Variants in SKAP1 observed in about 807,000 individuals in gnomAD.
SKAP1 encodes the protein src kinase-associated phosphoprotein 1.
In SKAP1, 44 loss-of-function variants were observed where a neutral mutation model predicts 58.5. The observed-to-expected ratio is 0.75, with a 90% CI of 0.59 to 0.97. The LOEUF is 0.97. Ranked by LOEUF, SKAP1 falls within the 50% of genes least tolerant of loss-of-function variation. The pLI is 0.00. For synonymous variants in SKAP1, 127 were observed against 149.7 expected (o/e 0.85, Z 1.11); for missense variants, 390 against 435.2 (o/e 0.90, Z 0.92).
rs1360526447 is a variant in SKAP1, at chr17:48,405,389, T to TC, written c.47-8605_47-8604insG. Among the ~76,000 whole-genome samples the TC allele has an allele frequency of 5.6e-4, 83 of 147,722 alleles. 1 individual carries two copies. Among genetic ancestry groups the TC allele is most frequent in the African/African-American group, 2.0e-3 (79 of 40,146 alleles). ...CCAGGGTGCATTTTCTTTTTTTCTC[T>TC]TTCCTTTCTTTCTTTCTTTCTTTCT... is the stretch of plus-strand genomic sequence containing the variant. On this transcript the variant is annotated intron_variant, in intron 1 of 12. Transcript: ENST00000336915.
chr17:48,412,655 T>C (rs1228929505), intron 1 of SKAP1, among the ~76,000 whole-genome samples: 1 of 152,190 alleles, frequency 6.6e-6, no homozygotes, highest in Non-Finnish European at 1.5e-5. Flanking sequence ...GAACATCAAC[T>C]CTTCTTACTA....
intron 4 of SKAP1, among the ~76,000 whole-genome samples, chr17:48,290,365 C>T (rs2065884851): frequency 6.6e-6 from 1 of 152,196 alleles, no homozygotes; most frequent in Non-Finnish European, 1.5e-5. Flanking sequence ...TCTAAGCTTA[C>T]ACTGAACACT....
intron 4 of SKAP1, among the ~76,000 whole-genome samples, chr17:48,198,222 G>C (rs1041604897): frequency 2.6e-5 from 4 of 152,022 alleles, no homozygotes; most frequent in Non-Finnish European, 5.9e-5. Flanking sequence ...TTGGGAGGCC[G>C]AGACGGGCGG....
intron 4 of SKAP1, among the ~76,000 whole-genome samples, chr17:48,216,066 C>T (rs1238655733): frequency 6.6e-6 from 1 of 152,156 alleles, no homozygotes; most frequent in Non-Finnish European, 1.5e-5. Flanking sequence ...TCAACATGCC[C>T]ACCTTTGTGA....
intron 4 of SKAP1, among the ~76,000 whole-genome samples, chr17:48,296,402 T>C (rs540864542): frequency 6.6e-6 from 1 of 152,206 alleles, no homozygotes; most frequent in Non-Finnish European, 1.5e-5. Flanking sequence ...GCAAGGTGGT[T>C]GTTGTTGTTT....
rs544086450 is a variant in SKAP1, at chr17:48,417,876, T to C, written c.46+12199A>G. On this transcript the variant is annotated intron_variant, in intron 1 of 12. Coordinates refer to ENST00000336915, the MANE Select transcript of SKAP1 (RefSeq NM_003726.4). ...CTTAAACATCCATCAATAGGACAAT[T>C]GCTAAATAAATTGTTAAATACTATG... is the stretch of plus-strand genomic sequence containing the variant. Among the ~76,000 whole-genome samples, 8 of 152,278 alleles carry C rather than the reference T, an allele frequency of 5.3e-5. No individual in the cohort carries two copies. In the South Asian group the frequency reaches 1.2e-3, roughly 24 times the overall value.
intron 4 of SKAP1, among the ~76,000 whole-genome samples, chr17:48,306,174 T>C (rs2066139422): frequency 1.3e-5 from 2 of 152,216 alleles, no homozygotes; most frequent in African/African-American, 2.4e-5. Flanking sequence ...AACTGAAGTA[T>C]GTATAGAGAC....
chr17:48,208,488 T>C (rs1171370156), intron 4 of SKAP1, among the ~76,000 whole-genome samples: 1 of 152,208 alleles, frequency 6.6e-6, no homozygotes, highest in Non-Finnish European at 1.5e-5. Context: ...GGTTTTACTG[T>C]TACTCAGTTT....
rs190805195 is a variant in SKAP1, at chr17:48,261,490, C to A, written c.281-71990G>T. ...TGGAAGCAGTAGGGGGCGTTTTACG[C>A]TGAGGATGCTATTGGAGGATGTACT... On this transcript the variant is annotated intron_variant, in intron 4 of 12. Transcript: ENST00000336915. Among the ~76,000 whole-genome samples the A allele has an allele frequency of 3.2e-4, 49 of 152,238 alleles. 1 individual carries two copies. The South Asian group carries it at 4.8e-3, about 15-fold the overall frequency.
At chr17:48,444,130 C>G in the SKAP1 span, among the ~76,000 whole-genome samples, 1 of 99,342 alleles carries the variant, frequency 1.0e-5, no homozygotes, top group Non-Finnish European at 2.8e-5. Flanking sequence ...CGCAGTGACT[C>G]ACGCCTGTAA....
At chr17:48,311,029 G>A (rs1000650081) in intron 4 of SKAP1, among the ~76,000 whole-genome samples, 4 of 151,682 alleles carry the variant, frequency 2.6e-5, no homozygotes, top group African/African-American at 7.3e-5. Context: ...CCCCTTCGCC[G>A]CCCCCCCAGG....
In SKAP1 at chr17:48,430,064, C is replaced by T. The variant is rs2067898940; in HGVS notation, c.46+11G>A. The T allele has an allele frequency of 7.9e-7, 1 of 1,262,622 alleles. No individual in the cohort carries two copies. Among genetic ancestry groups the T allele is most frequent in the Non-Finnish European group, 1.0e-6 (1 of 995,920 alleles). The allele number at this position is 1,262,622 out of a possible 1,614,324, so 78.2% of individuals were successfully genotyped here. A position where few individuals can be genotyped will look rare whatever the true frequency, so the allele number is the denominator to read the frequency against. On this transcript the variant is annotated intron_variant, in intron 1 of 12. Coordinates refer to ENST00000336915, the MANE Select transcript of SKAP1 (RefSeq NM_003726.4). ...GCTCAGCACTGGAGGGGGCCTGCGC[C>T]AGGGCGTTACCTTCCAGGAGCCAAC...
the SKAP1 span, among the ~76,000 whole-genome samples, chr17:48,437,198 C>T: frequency 6.6e-6 from 1 of 152,202 alleles, no homozygotes; most frequent in Non-Finnish European, 1.5e-5. Flanking sequence ...AGCAGTTCCA[C>T]CAAATTGTTA....
intron 4 of SKAP1, among the ~76,000 whole-genome samples, chr17:48,284,833 T>C (rs2065811097): frequency 6.6e-6 from 1 of 152,200 alleles, no homozygotes; most frequent in African/African-American, 2.4e-5. Context: ...ATGGTAAGAC[T>C]GAAAGCATTT....
chr17:48,273,109 A>G (rs1273767016), intron 4 of SKAP1, among the ~76,000 whole-genome samples: 1 of 152,152 alleles, frequency 6.6e-6, no homozygotes, highest in Non-Finnish European at 1.5e-5. Flanking sequence ...GTTTATTTCT[A>G]CTGGATTTAG....
At chr17:48,338,484 G>A (rs1274365042) in intron 4 of SKAP1, among the ~76,000 whole-genome samples, 1 of 152,006 alleles carries the variant, frequency 6.6e-6, no homozygotes, top group Non-Finnish European at 1.5e-5. Context: ...TTTTCTCTTT[G>A]TTAAAACAGA....
Position 48,426,872 on chromosome 17 carries a change from C to T in SKAP1, c.46+3203G>A, listed in dbSNP as rs368526023. ...GTGTTTTTTTTTTTTAATTTCTCCA[C>T]CTTCCATACCCCTCAGGGCTAAAAA... is the stretch of plus-strand genomic sequence containing the variant. On this transcript the variant is annotated intron_variant, in intron 1 of 12. Coordinates refer to ENST00000336915, the MANE Select transcript of SKAP1 (RefSeq NM_003726.4). Among the ~76,000 whole-genome samples, 11 of 151,618 alleles carry T rather than the reference C, an allele frequency of 7.3e-5. No homozygotes were observed. The South Asian group carries it at 2.1e-3, about 29-fold the overall frequency.
At chr17:48,183,606 A>G (rs1358670715) in intron 7 of SKAP1, among the ~76,000 whole-genome samples, 1 of 149,982 alleles carries the variant, frequency 6.7e-6, no homozygotes, top group African/African-American at 2.4e-5. Context: ...CTATAAAAAC[A>G]TTTCTAGAAA....
chr17:48,429,857 G>T, intron 1 of SKAP1, among the ~76,000 whole-genome samples: 1 of 152,188 alleles, frequency 6.6e-6, no homozygotes, highest in East Asian at 1.9e-4. Context: ...GCGTGGAGGT[G>T]CCTCAAGGCA....
Sources: gnomAD v4.1 joint callset for allele counts (sites outside exome capture counted in the v4.1 genomes callset) on GRCh38, gnomAD v4.1.1 for gene constraint, MANE v1.5 for transcripts, NCBI Gene and HGNC (gene_info 2026-07-23, HGNC 2026-07-21) for gene names.